The following ATXN10 variants were observed in gnomAD, a reference collection of about 807,000 sequenced individuals.
ATXN10 encodes the protein ataxin 10, also known as ataxin-10.
In ATXN10, 28 loss-of-function variants were observed where a neutral mutation model predicts 52.9. The ratio of observed to expected loss-of-function variants is 0.53; its 90% CI spans 0.39 to 0.73. The LOEUF is 0.73. ATXN10 is among the 30% of genes least tolerant of loss of function. ATXN10 has a pLI of 0.00. For synonymous variants in ATXN10, 226 were observed against 221.5 expected, an observed-to-expected ratio of 1.02 and a Z score of -0.18; for missense variants, 565 against 577.0, an observed-to-expected ratio of 0.98 and a Z score of 0.21.
In ATXN10 at chr22:45,683,936, C is replaced by T. The variant is rs926350695; in HGVS notation, c.117-5776C>T. On this transcript the variant is annotated intron_variant, in intron 1 of 11. Transcript: ENST00000252934. This position sits in a 1 kb window ranked among gnomAD's most constrained non-coding sequence, Gnocchi z 4.8. The stretch of plus-strand genomic sequence containing the variant: ...TGCTAATTTCACCTTTTCTTAGCTT[C>T]TCTTTCATTTTCTTCTCTTTTCATG... Among the ~76,000 whole-genome samples the T allele has an allele frequency of 6.6e-6, 1 of 151,962 alleles. No individual in the cohort carries two copies. Among genetic ancestry groups the T allele is most frequent in the Non-Finnish European group, 1.5e-5 (1 of 68,004 alleles).
At chr22:45,811,545 T>G (rs934110174) in intron 10 of ATXN10, among the ~76,000 whole-genome samples, 14 of 152,188 alleles carry the variant, frequency 9.2e-5, no homozygotes, top group African/African-American at 3.4e-4. Context: ...CCTACAGTAT[T>G]AAGTACAGTT....
At position 45,825,386 on chromosome 22, in the gene ATXN10, G is replaced by C. The variant is rs1928782253; in HGVS notation, c.1238-17605G>C. Among the ~76,000 whole-genome samples the C allele has an allele frequency of 6.6e-6, 1 of 152,072 alleles. No individual in the cohort carries two copies. Among genetic ancestry groups the C allele is most frequent in the Non-Finnish European group, 1.5e-5 (1 of 68,032 alleles). ...AATACTAGGACATTGAAAAATAACT[G>C]TATATACAGGGAAAATTAGAAAGTC... On this transcript the variant is annotated intron_variant, in intron 10 of 11. Coordinates refer to ENST00000252934, the MANE Select transcript of ATXN10 (RefSeq NM_013236.4). The surrounding 1 kb of genome is among the most constrained non-coding windows in gnomAD (Gnocchi z 4.5).
intron 9 of ATXN10, among the ~76,000 whole-genome samples, chr22:45,747,685 T>C (rs970961901): frequency 6.6e-6 from 1 of 152,194 alleles, no homozygotes; most frequent in Non-Finnish European, 1.5e-5. Context: ...GTTGACCATC[T>C]ATTAACTGTT....
At chr22:45,801,576 T>TATGG (rs1328665554) in intron 9 of ATXN10, among the ~76,000 whole-genome samples, 1 of 151,996 alleles carries the variant, frequency 6.6e-6, no homozygotes. Flanking sequence ...AGCAAAAGAG[T>TATGG]ATGGATGGAA....
chr22:45,755,658 A>T (rs903420580), intron 9 of ATXN10, among the ~76,000 whole-genome samples: 1 of 152,184 alleles, frequency 6.6e-6, no homozygotes, highest in South Asian at 2.1e-4. Flanking sequence ...TCTTCTATAG[A>T]TTGGAAAAAT....
chr22:45,673,248 G>A (rs1473429692), intron 1 of ATXN10: 1 of 152,224 alleles, frequency 6.6e-6, no homozygotes. Context: ...TCCTGTACTA[G>A]TATGTACAAG....
intron 8 of ATXN10, 95 bp downstream of exon 8, chr22:45,738,934 G>A: frequency 1.8e-6 from 2 of 1,142,016 alleles, no homozygotes; most frequent in Non-Finnish European, 2.6e-6. Context: ...AATTTTCAGT[G>A]TACTTTGGGA....
intron 9 of ATXN10, among the ~76,000 whole-genome samples, chr22:45,751,762 AAAATAAT>A (rs1244298637): frequency 5.8e-4 from 34 of 58,998 alleles, no homozygotes; most frequent in African/African-American, 2.5e-3. Flanking sequence ...AAATAAAAAA[AAAATAAT>A]AATAATAATA....
At chr22:45,694,269 TA>T (rs200168945) in intron 3 of ATXN10, among the ~76,000 whole-genome samples, 66 of 149,552 alleles carry the variant, frequency 4.4e-4, no homozygotes, top group Admixed American at 1.4e-3. Flanking sequence ...ACATAATGTT[TA>T]AAAAAAAAAC....
intron 9 of ATXN10, among the ~76,000 whole-genome samples, chr22:45,743,741 G>A (rs1925626125): frequency 1.3e-5 from 2 of 152,304 alleles, no homozygotes. Flanking sequence ...TCCTTGCATT[G>A]TGCTTAGTGA....
chr22:45,685,830 C>T (rs914901670), intron 1 of ATXN10, among the ~76,000 whole-genome samples: 4 of 152,220 alleles, frequency 2.6e-5, no homozygotes, highest in African/African-American at 9.6e-5. Context: ...TTATATGACT[C>T]TAGAGGAAGA....
chr22:45,697,669 G>A (rs536267006), intron 3 of ATXN10, among the ~76,000 whole-genome samples: 3 of 151,912 alleles, frequency 2.0e-5, no homozygotes, highest in Non-Finnish European at 2.9e-5. Context: ...TCTCGCTGTC[G>A]CCCAGGCTGG....
At chr22:45,809,805 A>G (rs182874784) in intron 10 of ATXN10, among the ~76,000 whole-genome samples, 2 of 152,274 alleles carry the variant, frequency 1.3e-5, no homozygotes, top group African/African-American at 2.4e-5. Context: ...ATCTTTATAT[A>G]TTCTAGATTG....
chr22:45,820,972 A>G lies in ATXN10; in HGVS notation c.1237+13950A>G, dbSNP rs966429475. Among the ~76,000 whole-genome samples, 1 of 152,200 alleles carries G rather than the reference A, an allele frequency of 6.6e-6. No individual in the cohort carries two copies. The highest frequency in any genetic ancestry group is 6.5e-5 in the Admixed American group (1 of 15,272). ...CCTTGCCTTTAAGATTTTTCACCTG[A>G]ATATGACGAGACTTAACTTTTACAA... On this transcript the variant is annotated intron_variant, in intron 10 of 11. Transcript: ENST00000252934. This position sits in a 1 kb window ranked among gnomAD's most constrained non-coding sequence, Gnocchi z 4.9.
chr22:45,686,019 A>G (rs1158827509), intron 1 of ATXN10, among the ~76,000 whole-genome samples: 4 of 152,264 alleles, frequency 2.6e-5, no homozygotes, highest in Non-Finnish European at 2.9e-5. Context: ...TAAAATATCT[A>G]TATGATATTC....
In ATXN10 at chr22:45,818,637, G is replaced by T. The variant is rs552575294; in HGVS notation, c.1237+11615G>T. 6.6e-5 allele frequency among the ~76,000 whole-genome samples: 10 copies of T among 152,178 alleles called. No homozygotes were observed. The highest frequency in any genetic ancestry group is 2.4e-4 in the African/African-American group (10 of 41,514). ...ATCAACAGCCTGGGGCAGGGATCAG[G>T]GATCAGGGGGCAGGGATCATCACGC... On this transcript the variant is annotated intron_variant, in intron 10 of 11. Coordinates refer to ENST00000252934, the MANE Select transcript of ATXN10 (RefSeq NM_013236.4). This position sits in a 1 kb window ranked among gnomAD's most constrained non-coding sequence, Gnocchi z 4.6.
chr22:45,764,213 G>C (rs1926502174), intron 9 of ATXN10, among the ~76,000 whole-genome samples: 1 of 151,984 alleles, frequency 6.6e-6, no homozygotes, highest in Non-Finnish European at 1.5e-5. Flanking sequence ...TCTCTGCAGG[G>C]TTAGATCCAC....
At position 45,843,129 on chromosome 22, in the gene ATXN10, A is replaced by G; in HGVS notation, c.1376A>G (p.Lys459Arg). 1 of 1,614,130 alleles carries G rather than the reference A, an allele frequency of 6.2e-7. No homozygotes were observed. Among genetic ancestry groups the G allele is most frequent in the Non-Finnish European group, 8.5e-7 (1 of 1,179,968 alleles). Residue 459 changes from lysine to arginine, a missense_variant, in exon 11 of 12, where the codon AAG becomes AGG. Coordinates refer to ENST00000252934, the MANE Select transcript of ATXN10 (RefSeq NM_013236.4). The surrounding 1 kb of genome is among the most constrained non-coding windows in gnomAD (Gnocchi z 4.5). ...LLKKVGFEVE[K>R]KGEKLILKST... ...AAAAAAGTGGGTTTTGAAGTTGAAAAGAAAGGCGAAAAGCTGATCCTGAAA... is the reference window on the plus strand; with the variant it reads ...AAAAAAGTGGGTTTTGAAGTTGAAAGGAAAGGCGAAAAGCTGATCCTGAAA...
chr22:45,725,401 AT>A (rs60263048), intron 6 of ATXN10, among the ~76,000 whole-genome samples: 21,143 of 116,100 alleles, frequency 0.18, 1,423 homozygotes, highest in East Asian at 0.24. Context: ...CAGGCATTTG[AT>A]TTTTTTTTTT....
Sources: gnomAD v4.1 joint callset for allele counts (sites outside exome capture counted in the v4.1 genomes callset) on GRCh38, gnomAD v4.1.1 for gene constraint, Gnocchi (gnomAD v3.1) non-coding constraint, MANE v1.5 for transcripts, NCBI Gene and HGNC (gene_info 2026-07-23, HGNC 2026-07-21) for gene names.